The following PLPPR1 variants were observed in gnomAD, a reference collection of about 807,000 sequenced individuals.
The protein encoded by PLPPR1 is phospholipid phosphatase-related protein type 1.
A neutral mutation model predicts 33.1 loss-of-function variants in PLPPR1; 10 were observed. The ratio of observed to expected loss-of-function variants is 0.30; its 90% CI spans 0.19 to 0.51. The LOEUF (loss-of-function observed/expected upper bound fraction) is 0.51, where lower values mean the gene tolerates loss of function less well. Among genes scored for constraint, PLPPR1 ranks in the 20% least tolerant of loss-of-function variants. The pLI, the probability that PLPPR1 is intolerant of heterozygous loss-of-function variation, is 0.97. For synonymous variants in PLPPR1, 151 were observed against 151.0 expected (o/e 1.00, Z 0.00); for missense variants, 304 against 408.1 (o/e 0.74, Z 2.20).
At chr9:101,246,513 AG>A (rs1182364387) in intron 2 of PLPPR1, among the ~76,000 whole-genome samples, 1 of 152,018 alleles carries the variant, frequency 6.6e-6, no homozygotes, top group Non-Finnish European at 1.5e-5. Context: ...TCCATTTTAC[AG>A]ATGAAGGAAC....
At chr9:101,265,920 TG>T (rs1296713436) in intron 2 of PLPPR1, among the ~76,000 whole-genome samples, 1 of 151,456 alleles carries the variant, frequency 6.6e-6, no homozygotes. Flanking sequence ...TGTGTGAACC[TG>T]GGAGGCAGAG....
chr9:101,258,074 G>A (rs947524679), intron 2 of PLPPR1, among the ~76,000 whole-genome samples: 1 of 152,132 alleles, frequency 6.6e-6, no homozygotes, highest in Non-Finnish European at 1.5e-5. Context: ...TCTTCCCAAA[G>A]CCAGTTCAGT....
At chr9:101,238,090 A>G (rs1487244076) in intron 2 of PLPPR1, among the ~76,000 whole-genome samples, 1 of 139,130 alleles carries the variant, frequency 7.2e-6, no homozygotes, top group East Asian at 2.2e-4. Context: ...ATATACATAT[A>G]CATACATATA....
chr9:101,091,751 G>T (rs1212399864), intron 1 of PLPPR1, among the ~76,000 whole-genome samples: 2 of 152,080 alleles, frequency 1.3e-5, no homozygotes, highest in African/African-American at 4.8e-5. Context: ...TTATTATTCT[G>T]CCTACCATAC....
chr9:101,313,074 C>A, intron 6 of PLPPR1, 100 bp downstream of exon 6: 1 of 1,024,932 alleles, frequency 9.8e-7, no homozygotes, highest in Non-Finnish European at 1.5e-6. Flanking sequence ...TCCTTTCGTC[C>A]CAACCTTGTG....
intron 2 of PLPPR1, among the ~76,000 whole-genome samples, chr9:101,246,197 C>T (rs1003592741): frequency 1.9e-4 from 28 of 150,472 alleles, no homozygotes; most frequent in African/African-American, 6.3e-4. Context: ...AGATATGACA[C>T]AGATTGACTC....
intron 4 of PLPPR1, among the ~76,000 whole-genome samples, chr9:101,299,848 T>C (rs1319105698): frequency 2.0e-5 from 3 of 152,170 alleles, no homozygotes; most frequent in Non-Finnish European, 2.9e-5. Context: ...TTGTGTGCAT[T>C]GTATTAATAC....
intron 1 of PLPPR1, among the ~76,000 whole-genome samples, chr9:101,063,913 GTA>G (rs1309591945): frequency 1.3e-5 from 2 of 152,046 alleles, no homozygotes; most frequent in African/African-American, 4.8e-5. Flanking sequence ...ATGAAACTAG[GTA>G]TATGATTGTC....
chr9:101,293,388 G>A (rs1828557149), intron 4 of PLPPR1, among the ~76,000 whole-genome samples: 1 of 151,796 alleles, frequency 6.6e-6, no homozygotes, highest in South Asian at 2.1e-4. Flanking sequence ...ACATTAGACA[G>A]ATCAACGAGA....
chr9:101,292,524 T>G (rs1038078414), intron 4 of PLPPR1, among the ~76,000 whole-genome samples: 4 of 151,640 alleles, frequency 2.6e-5, no homozygotes, highest in African/African-American at 9.7e-5. Context: ...GAAAAAAATG[T>G]TAAGGGCAGC....
chr9:101,203,305 A>G (rs1588070631), intron 2 of PLPPR1, among the ~76,000 whole-genome samples: 1 of 152,182 alleles, frequency 6.6e-6, no homozygotes. Flanking sequence ...CTTTTAAAGC[A>G]TAACTTTTAT....
intron 2 of PLPPR1, among the ~76,000 whole-genome samples, chr9:101,256,481 G>C (rs906451720): frequency 6.6e-6 from 1 of 152,158 alleles, no homozygotes; most frequent in African/African-American, 2.4e-5. Flanking sequence ...CGAGGGTTCA[G>C]GGGGTAAGCA....
At chr9:101,157,165 T>C (rs2118663468) in intron 1 of PLPPR1, among the ~76,000 whole-genome samples, 1 of 152,360 alleles carries the variant, frequency 6.6e-6, no homozygotes, top group East Asian at 1.9e-4. Flanking sequence ...TTACACTTTT[T>C]GGTCCCCACT....
intron 1 of PLPPR1, among the ~76,000 whole-genome samples, chr9:101,143,380 C>T (rs529411144): frequency 3.9e-5 from 6 of 152,022 alleles, no homozygotes; most frequent in South Asian, 2.1e-4. Context: ...GTTCATATAT[C>T]GAAGCCCTAA....
chr9:101,305,954 T>G (rs1418001), intron 4 of PLPPR1, among the ~76,000 whole-genome samples: 7,250 of 152,214 alleles, frequency 0.048, 532 homozygotes, highest in African/African-American at 0.16. Flanking sequence ...GTGAGAGACT[T>G]TAACACCTTC....
At chr9:101,175,078 T>C (rs747316033) in intron 1 of PLPPR1, among the ~76,000 whole-genome samples, 2 of 152,342 alleles carry the variant, frequency 1.3e-5, no homozygotes, top group East Asian at 1.9e-4. Context: ...TTTTAAAACA[T>C]GTTAGGCTGA....
At chr9:101,316,124 C>T (rs1437840448) in intron 6 of PLPPR1, among the ~76,000 whole-genome samples, 1 of 152,146 alleles carries the variant, frequency 6.6e-6, no homozygotes, top group Non-Finnish European at 1.5e-5. Flanking sequence ...CTACAGGTTC[C>T]CCTCTTCCCA....
intron 2 of PLPPR1, among the ~76,000 whole-genome samples, chr9:101,211,185 T>C (rs1826683958): frequency 6.6e-6 from 1 of 152,128 alleles, no homozygotes. Context: ...AGAAATAAGA[T>C]TCATTAAGAT....
At chr9:101,280,901 A>G (rs1828285684) in intron 3 of PLPPR1, among the ~76,000 whole-genome samples, 1 of 152,144 alleles carries the variant, frequency 6.6e-6, no homozygotes, top group South Asian at 2.1e-4. Context: ...TATTCAATAT[A>G]GGACTGGAAG....
Sources: allele counts gnomAD v4.1 joint callset (sites outside exome capture counted in the v4.1 genomes callset), GRCh38; gene constraint gnomAD v4.1.1; transcripts MANE v1.5; gene names NCBI Gene and HGNC (gene_info 2026-07-23, HGNC 2026-07-21).